TTN: variants seen among roughly 807,000 people sequenced by gnomAD.
TTN encodes the protein titin.
A neutral mutation model predicts 3,223.0 loss-of-function variants in TTN; 1,525 were observed. The ratio of observed to expected loss-of-function variants is 0.47; its 90% CI spans 0.45 to 0.49. The LOEUF (loss-of-function observed/expected upper bound fraction) is 0.49, where lower values mean the gene tolerates loss of function less well. TTN is among the 20% of genes least tolerant of loss of function. TTN has a pLI of 0.00. For synonymous variants in TTN, 14,094 were observed against 15,161.0 expected, an observed-to-expected ratio of 0.93 and a Z score of 5.17; for missense variants, 40,786 against 43,424.0, an observed-to-expected ratio of 0.94 and a Z score of 5.40.
chr2:178,757,411 A>C, intron 45 of TTN, 131 bp downstream of exon 45: 1 of 1,176,134 alleles, frequency 8.5e-7, no homozygotes, highest in Non-Finnish European at 1.1e-6. Context: ...GAGTTATTGC[A>C]TGTTATTTTA....
intron 240 of TTN, among the ~76,000 whole-genome samples, chr2:178,626,604 A>G (rs55639922): frequency 0.023 from 3,525 of 152,108 alleles, 74 homozygotes; most frequent in East Asian, 0.095. Context: ...AGAACTGGGC[A>G]TGGTTAGTCA....
chr2:178,723,635 G>A lies in TTN; in HGVS notation c.21465C>T (p.Thr7155=). 6.2e-7 allele frequency: 1 copy of A among 1,610,796 alleles called. No homozygotes were observed. Among genetic ancestry groups the A allele is most frequent in the Non-Finnish European group, 8.5e-7 (1 of 1,178,538 alleles). ...GGGTTCCTCTAATAACGCTTGTGAA[G>A]GTTACATTTTTGCCTGGTAGTACTT... ...PLEVLPGKNV[T]FTSVIRGTPP... is the part of the protein sequence containing the mutation. Residue 7155 remains threonine, a synonymous_variant, in exon 74 of 363, where the codon ACC becomes ACT. Transcript: ENST00000589042.
Position 178,637,396 on chromosome 2 carries a change from C to T in TTN, c.40900G>A (p.Ala13634Thr). The T allele has an allele frequency of 2.0e-6, 3 of 1,474,720 alleles. No individual in the cohort carries two copies. The highest frequency in any genetic ancestry group is 2.7e-6 in the Non-Finnish European group (3 of 1,114,190). 91.4% of individuals were successfully genotyped at this position (1,474,720 alleles called of 1,614,324 possible). ...TTGATAGGACCTTTTGGCTTGGCAG[C>T]CTCTTCCTTAGGTGCTTTGGCTTCT... ...KAEAKAPKEE[A>T]AKPKGPIKGV... Residue 13634 changes from alanine (A) to threonine (T), a missense_variant, in exon 224 of 363, where the codon GCT becomes ACT. Transcript: ENST00000589042.
At chr2:178,684,255 GC>G (rs1577376810) in intron 132 of TTN, 74 bp downstream of exon 132, 2 of 1,464,262 alleles carry the variant, frequency 1.4e-6, no homozygotes, top group East Asian at 2.3e-5. Flanking sequence ...ACAAAAACCA[GC>G]CCCCATAACC....
At chr2:178,792,898 C>T (rs2093586601) in intron 9 of TTN, among the ~76,000 whole-genome samples, 1 of 152,238 alleles carries the variant, frequency 6.6e-6, no homozygotes, top group South Asian at 2.1e-4. Flanking sequence ...CAAATGCCGC[C>T]AACCATGGGG....
chr2:178,711,479 T>A, intron 96 of TTN, 130 bp from the exon 97 acceptor site: 1 of 1,101,984 alleles, frequency 9.1e-7, no homozygotes. Context: ...TCTCTTGAAT[T>A]AACTTGGAGA....
In TTN at chr2:178,594,492, A is replaced by G. The variant is rs1190349281; in HGVS notation, c.58002T>C (p.Val19334=). Residue 19334 remains valine (V), a synonymous_variant, in exon 296 of 363, where the codon GTT becomes GTC. Transcript: ENST00000589042. ...TTCTGCTAAGCAAGTTGTCATTTGT[A>G]ACTTTGTGGAACTTCTCAGTCCCAA... The part of the protein sequence containing the change: ...RLIGTEKFHK[V]TNDNLLSRKY... 1.2e-6 allele frequency: 2 copies of G among 1,613,258 alleles called. No homozygotes were observed. The highest frequency in any genetic ancestry group is 2.7e-5 in the African/African-American group (2 of 74,880).
chr2:178,804,711 T>G, intron 1 of TTN, 56 bp from the exon 2 acceptor site: 1 of 1,515,046 alleles, frequency 6.6e-7, no homozygotes, highest in Non-Finnish European at 9.1e-7. Flanking sequence ...ACTCTGGAGC[T>G]GCTTTGCAGA....
chr2:178,722,490 C>T lies in TTN; in HGVS notation c.22297G>A (p.Gly7433Arg), dbSNP rs2078568600. The change falls in exon 77 of 363, where the codon GGG becomes AGG. Residue 7433 changes from glycine (G) to arginine (R), a missense_variant. Physicochemically the swap from Gly to Arg is moderately radical, Grantham distance 125. Transcript: ENST00000589042. ...RQLKDIEQTV[G>R]LPVTLTCRLN... Reference sequence around the variant, plus strand: ...CGACAAGTGAGTGTAACAGGTAACCCCACAGTTTGTTCAATGTCCTTTAAT... The same window carrying T: ...CGACAAGTGAGTGTAACAGGTAACCTCACAGTTTGTTCAATGTCCTTTAAT... 1 of 1,613,348 alleles carries T rather than the reference C, an allele frequency of 6.2e-7. No homozygotes were observed. Among genetic ancestry groups the T allele is most frequent in the Non-Finnish European group, 8.5e-7 (1 of 1,179,516 alleles).
rs554421853 is a variant in TTN at position 178,684,007 on chromosome 2, G to T, written c.32798C>A (p.Pro10933Gln). Residue 10933 changes from proline to glutamine, a missense_variant, in exon 133 of 363, where the codon CCA becomes CAA. Physicochemically the swap from Pro to Gln is moderately conservative, Grantham distance 76. Transcript: ENST00000589042. The stretch of plus-strand genomic sequence containing the variant: ...TTTAAGAGTCAGTATACCTTTAGCT[G>T]GTGGTTCCTCCTCTCTTTTAGGTTT... The part of the protein sequence containing the change: ...KLKPKREEEP[P>Q]AKVTEFRKRV... 7.5e-6 allele frequency: 12 copies of T among 1,592,124 alleles called. No individual in the cohort carries two copies. In the East Asian group the frequency reaches 2.3e-4, roughly 30 times the overall value.
At position 178,550,857 on chromosome 2, in the gene TTN, C is replaced by T. The variant is rs1699158759; in HGVS notation, c.91564+110G>A. 4.1e-6 allele frequency: 4 copies of T among 974,584 alleles called. No homozygotes were observed. In the Admixed American group the frequency reaches 1.1e-4, roughly 27 times the overall value. 60.4% of individuals were successfully genotyped at this position (974,584 alleles called of 1,614,324 possible). A position where few individuals can be genotyped will look rare whatever the true frequency, so the allele number is the denominator to read the frequency against. Reference sequence around the variant, plus strand: ...AGAAAGACATAATTCATCCACTTAGCAACCTTGGGTAATTTGTTTCTGTTA... The same window carrying T: ...AGAAAGACATAATTCATCCACTTAGTAACCTTGGGTAATTTGTTTCTGTTA... On this transcript the variant is annotated intron_variant, in intron 336 of 362. Coordinates refer to ENST00000589042, the MANE Select transcript of TTN (RefSeq NM_001267550.2).
In TTN at chr2:178,782,351, C is replaced by A. The variant is rs55914517; in HGVS notation, c.3241G>T (p.Ala1081Ser). The A allele has an allele frequency of 4.2e-5, 68 of 1,613,920 alleles. No homozygotes were observed. In the Middle Eastern group the frequency reaches 4.9e-4, roughly 12 times the overall value. Residue 1081 changes from alanine to serine, a missense_variant, in exon 20 of 363, where the codon GCG (alanine) becomes TCG (serine). Physicochemically the swap from Ala to Ser is moderately conservative, Grantham distance 99 (BLOSUM62 1). Coordinates refer to ENST00000589042, the MANE Select transcript of TTN (RefSeq NM_001267550.2). ...EEQAGPGEPA[A>S]PYFITKPVVQ... Reference sequence around the variant, plus strand: ...ACTGGTTTTGTAATAAAGTAAGGCGCGGCAGGTTCTCCAGGCCCTGCTTGT... The same window carrying A: ...ACTGGTTTTGTAATAAAGTAAGGCGAGGCAGGTTCTCCAGGCCCTGCTTGT...
intron 55 of TTN, 48 bp from the exon 56 acceptor site, chr2:178,732,766 T>G: frequency 6.4e-7 from 1 of 1,563,822 alleles, no homozygotes; most frequent in Non-Finnish European, 8.7e-7. Context: ...AGAGGGTTGA[T>G]CTAAGGGAAG....
Position 178,730,279 on chromosome 2 carries a change from T to C in TTN, c.18121A>G (p.Met6041Val), listed in dbSNP as rs756902355. 1.2e-6 allele frequency: 2 copies of C among 1,612,686 alleles called. No individual in the cohort carries two copies. Among genetic ancestry groups the C allele is most frequent in the African/African-American group, 2.7e-5 (2 of 74,914 alleles). ...LKALVGGTAP[M>V]TIKWFKDNKE... ...TTATCTTTAAACCACTTTATTGTCA[T>C]GGGTGCAGTGCCACCCACAAGAGCC... The change falls in exon 62 of 363, where the codon ATG becomes GTG. Residue 6041 changes from methionine (M) to valine (V), a missense_variant. By Grantham distance (21) the Met-to-Val change is conservative (BLOSUM62 1). Transcript: ENST00000589042.
Position 178,567,684 on chromosome 2 carries a change from C to T in TTN, c.78448G>A (p.Val26150Met). ...CTTTGATCTTCAGTAAGACCTGACACAGTAAATTGAGTTTCAATGACATTT... is the reference window on the plus strand; with the variant it reads ...CTTTGATCTTCAGTAAGACCTGACATAGTAAATTGAGTTTCAATGACATTT... The part of the protein sequence containing the change: ...FTNVIETQFT[V>M]SGLTEDQRYE... Residue 26150 changes from valine to methionine, a missense_variant, in exon 326 of 363, where the codon GTG becomes ATG. Coordinates refer to ENST00000589042, the MANE Select transcript of TTN (RefSeq NM_001267550.2). 6.2e-7 allele frequency: 1 copy of T among 1,612,176 alleles called. No individual in the cohort carries two copies. Among genetic ancestry groups the T allele is most frequent in the South Asian group, 1.1e-5 (1 of 90,964 alleles).
Position 178,678,508 on chromosome 2 carries a change from A to G in TTN, c.33827-11T>C. ...TGGGTACCTCTGGCACTTTAACGAA[A>G]TGATTTAGAGAAAAATTTTATACGA... On this transcript the variant is annotated splice_polypyrimidine_tract_variant and intron_variant, in intron 143 of 362. Transcript: ENST00000589042. 6.4e-7 allele frequency: 1 copy of G among 1,554,444 alleles called. No homozygotes were observed. Among genetic ancestry groups the G allele is most frequent in the Non-Finnish European group, 8.7e-7 (1 of 1,154,214 alleles).
rs1395941923 is a variant in TTN at position 178,551,808 on chromosome 2, T to A, written c.91092A>T (p.Lys30364Asn). 6 of 1,613,858 alleles carry A rather than the reference T, an allele frequency of 3.7e-6. No individual in the cohort carries two copies. Among genetic ancestry groups the A allele is most frequent in the Non-Finnish European group, 5.1e-6 (6 of 1,179,812 alleles). ...SEVTGFHVEK[K>N]ERNSILWQKV... ...TTTGCCAGAGGATGCTATTTCTTTC[T>A]TTCTTTTCAACATGGAATCCAGTAA... The change falls in exon 335 of 363, where the codon AAA becomes AAT. Residue 30364 changes from lysine (K) to asparagine (N), a missense_variant. Physicochemically the swap from Lys to Asn is moderately conservative, Grantham distance 94. Transcript: ENST00000589042.
Position 178,558,529 on chromosome 2 carries a change from T to C in TTN, c.86930A>G (p.Tyr28977Cys), listed in dbSNP as rs776958326. 1.9e-6 allele frequency: 3 copies of C among 1,613,792 alleles called. No homozygotes were observed. The highest frequency in any genetic ancestry group is 2.5e-6 in the Non-Finnish European group (3 of 1,179,796). Residue 28977 changes from tyrosine (Y) to cysteine (C), a missense_variant, in exon 327 of 363, where the codon TAT (tyrosine) becomes TGT (cysteine). By Grantham distance (194) the Tyr-to-Cys change is radical. Coordinates refer to ENST00000589042, the MANE Select transcript of TTN (RefSeq NM_001267550.2). The part of the protein sequence containing the change: ...EHDGGSRIVH[Y>C]VVEALEKGQK... ...TCCTTTTTCTAGTGCTTCAACGACA[T>C]AGTGTACAATTCTGCTTCCGCCATC...
At chr2:178,778,671 G>T (rs2092474972) in intron 24 of TTN, 2 of 658,766 alleles carry the variant, frequency 3.0e-6, no homozygotes, top group Non-Finnish European at 5.2e-6. Flanking sequence ...AAAATAAACA[G>T]TATGTTACAC....
Sources: allele counts gnomAD v4.1 joint callset (sites outside exome capture counted in the v4.1 genomes callset), GRCh38; gene constraint gnomAD v4.1.1; transcripts MANE v1.5; gene names NCBI Gene and HGNC (gene_info 2026-07-23, HGNC 2026-07-21).